Variants in TMEM232 observed in about 807,000 individuals in gnomAD.
TMEM232 encodes the protein transmembrane protein 232.
A neutral mutation model predicts 78.8 loss-of-function variants in TMEM232; 80 were observed. The ratio of observed to expected loss-of-function variants is 1.01; its 90% CI spans 0.85 to 1.22. TMEM232 has a LOEUF of 1.22. Among genes scored for constraint, TMEM232 ranks in the 50% most tolerant of loss-of-function variants. The probability of loss-of-function intolerance (pLI) is 0.00; values close to 1 mark genes in which losing one functional copy is unlikely to be tolerated. For synonymous variants in TMEM232, 297 were observed against 254.3 expected (o/e 1.17, Z -1.60); for missense variants, 881 against 742.2 (o/e 1.19, Z -2.17).
At chr5:110,628,528 A>C (rs957430498) in intron 5 of TMEM232, among the ~76,000 whole-genome samples, 1 of 152,116 alleles carries the variant, frequency 6.6e-6, no homozygotes, top group African/African-American at 2.4e-5. Context: ...ACTACATAAA[A>C]TGGAATGTCT....
intron 7 of TMEM232, among the ~76,000 whole-genome samples, chr5:110,624,414 C>T (rs989436723): frequency 2.6e-5 from 4 of 151,862 alleles, no homozygotes; most frequent in Non-Finnish European, 5.9e-5. Flanking sequence ...TAAAGATATG[C>T]AAATGGAAGT....
chr5:110,554,361 A>G (rs896773676), intron 11 of TMEM232, among the ~76,000 whole-genome samples: 1 of 152,074 alleles, frequency 6.6e-6, no homozygotes, highest in African/African-American at 2.4e-5. Flanking sequence ...TCAGTTTTGG[A>G]ACTCAGACTG....
At chr5:110,580,138 A>G (rs911495356) in intron 10 of TMEM232, among the ~76,000 whole-genome samples, 2 of 151,756 alleles carry the variant, frequency 1.3e-5, no homozygotes, top group Middle Eastern at 6.3e-3. Context: ...TATATATGCA[A>G]CCAAGATAAG....
upstream of TMEM232, among the ~76,000 whole-genome samples, chr5:110,727,020 T>C (rs141860290): frequency 1.7e-3 from 259 of 152,262 alleles, no homozygotes; most frequent in African/African-American, 5.9e-3. Flanking sequence ...TTAAATTAAA[T>C]TGCCGTTCGT....
chr5:110,697,895 T>C (rs773731237), intron 1 of TMEM232, among the ~76,000 whole-genome samples: 25 of 152,196 alleles, frequency 1.6e-4, no homozygotes, highest in Non-Finnish European at 3.4e-4. Flanking sequence ...CTCAAGGACC[T>C]AGAACTAGAA....
chr5:110,633,764 G>T (rs1785455677), intron 5 of TMEM232, among the ~76,000 whole-genome samples: 1 of 151,968 alleles, frequency 6.6e-6, no homozygotes, highest in South Asian at 2.1e-4. Flanking sequence ...CCCAGTCTCA[G>T]GTGTTTCTTT....
At chr5:110,561,124 C>T (rs1775687924) in intron 11 of TMEM232, among the ~76,000 whole-genome samples, 1 of 151,530 alleles carries the variant, frequency 6.6e-6, no homozygotes, top group African/African-American at 2.4e-5. Flanking sequence ...TTCTTGTTAC[C>T]CTTATTAATA....
At chr5:110,459,020 TGGG>T (rs1205820998) in intron 12 of TMEM232, among the ~76,000 whole-genome samples, 1 of 152,158 alleles carries the variant, frequency 6.6e-6, no homozygotes, top group Non-Finnish European at 1.5e-5. Flanking sequence ...AAAATTAATT[TGGG>T]GGGATAACCT....
chr5:110,472,884 A>T (rs1033694181), intron 12 of TMEM232, among the ~76,000 whole-genome samples: 1 of 151,890 alleles, frequency 6.6e-6, no homozygotes, highest in South Asian at 2.1e-4. Flanking sequence ...CAGAAGAATA[A>T]AATTTGTCCC....
intron 12 of TMEM232, among the ~76,000 whole-genome samples, chr5:110,487,530 AT>A (rs1434878778): frequency 1.3e-5 from 2 of 151,820 alleles, no homozygotes; most frequent in African/African-American, 2.4e-5. Context: ...GCGATACTGG[AT>A]TTTGTCGAAT....
Position 110,625,281 on chromosome 5 carries a change from T to C in TMEM232, c.754A>G (p.Thr252Ala). The change falls in exon 7 of 14, where the codon ACA becomes GCA. Residue 252 changes from threonine to alanine, a missense_variant. By Grantham distance (58) the Thr-to-Ala change is moderately conservative. Coordinates refer to ENST00000455884, the MANE Select transcript of TMEM232 (RefSeq NM_001039763.4). ...PVEDKKRYEN[T>A]DSDMGGYEIN... ...AGATTACTCACCATATCAGAATCTGTGTTCTCATATCTTTTCTTATCTTCC... is the reference window on the plus strand; with the variant it reads ...AGATTACTCACCATATCAGAATCTGCGTTCTCATATCTTTTCTTATCTTCC... 6.5e-7 allele frequency: 1 copy of C among 1,538,546 alleles called. No homozygotes were observed. Among genetic ancestry groups the C allele is most frequent in the Non-Finnish European group, 8.8e-7 (1 of 1,141,186 alleles).
chr5:110,617,539 TAC>T (rs1388009725), intron 8 of TMEM232, among the ~76,000 whole-genome samples: 4 of 152,154 alleles, frequency 2.6e-5, no homozygotes, highest in African/African-American at 9.7e-5. Flanking sequence ...CATAAATATA[TAC>T]AATTATTATC....
At chr5:110,404,398 T>C (rs555911736) in intron 2 of TMEM232, among the ~76,000 whole-genome samples, 6 of 152,052 alleles carry the variant, frequency 3.9e-5, no homozygotes, top group Non-Finnish European at 7.4e-5. Context: ...AGAAAAAAAC[T>C]ATTTTATTCA....
chr5:110,708,032 G>C (rs1796113892), intron 1 of TMEM232, among the ~76,000 whole-genome samples: 1 of 152,148 alleles, frequency 6.6e-6, no homozygotes, highest in Non-Finnish European at 1.5e-5. Flanking sequence ...TACGCCATGA[G>C]CCTTGGGTGA....
chr5:110,642,453 T>C lies in TMEM232; in HGVS notation c.126-82A>G, dbSNP rs961404279. The C allele has an allele frequency of 6.4e-5, 59 of 922,536 alleles. No homozygotes were observed. The East Asian group carries it at 8.2e-4, about 13-fold the overall frequency. The allele number at this position is 922,536 out of a possible 1,614,324, so 57.1% of individuals were successfully genotyped here. ...TCAATTAATCAACTTCCAGTGGCTA[T>C]GTATAACTATATTCTAGCAAAAATA... is the stretch of plus-strand genomic sequence containing the variant. On this transcript the variant is annotated intron_variant, in intron 2 of 13. Coordinates refer to ENST00000455884, the MANE Select transcript of TMEM232 (RefSeq NM_001039763.4).
intron 11 of TMEM232, among the ~76,000 whole-genome samples, chr5:110,562,323 C>T (rs1264553442): frequency 1.3e-5 from 2 of 152,068 alleles, no homozygotes; most frequent in Non-Finnish European, 2.9e-5. Context: ...CCCAACTTGG[C>T]AAGTCAACCT....
chr5:110,535,191 C>T (rs1393737648), intron 11 of TMEM232, among the ~76,000 whole-genome samples: 2 of 151,956 alleles, frequency 1.3e-5, no homozygotes, highest in Non-Finnish European at 2.9e-5. Flanking sequence ...ATGACCGGTT[C>T]CTGCCTTAAC....
rs376003179 is a variant in TMEM232 at position 110,657,487 on chromosome 5, G to T, written c.125+9741C>A. On this transcript the variant is annotated intron_variant, in intron 2 of 13. Transcript: ENST00000455884. ...CATGAATGAACCTGGATAACACTATGTTAAAGCACAGAAGGATAAACACCA... is the reference window on the plus strand; with the variant it reads ...CATGAATGAACCTGGATAACACTATTTTAAAGCACAGAAGGATAAACACCA... Among the ~76,000 whole-genome samples, 9 of 152,050 alleles carry T rather than the reference G, an allele frequency of 5.9e-5. 1 individual carries two copies. The highest frequency in any genetic ancestry group is 5.8e-4 in the East Asian group (3 of 5,168).
At chr5:110,572,929 A>G (rs137899495) in intron 10 of TMEM232, among the ~76,000 whole-genome samples, 62 of 152,222 alleles carry the variant, frequency 4.1e-4, no homozygotes, top group African/African-American at 1.4e-3. Context: ...AAATGTTTCA[A>G]CAAGGGACCA....
Sources: allele counts gnomAD v4.1 joint callset (sites outside exome capture counted in the v4.1 genomes callset), GRCh38; gene constraint gnomAD v4.1.1; transcripts MANE v1.5; gene names NCBI Gene and HGNC (gene_info 2026-07-23, HGNC 2026-07-21).